ASIC1: variants seen among roughly 807,000 people sequenced by gnomAD.
ASIC1 encodes the protein acid sensing ion channel subunit 1, also known as acid-sensing ion channel 1.
In ASIC1, 21 loss-of-function variants were observed where a neutral mutation model predicts 63.4. That is an observed-to-expected ratio of 0.33 (90% CI 0.23 to 0.48). The LOEUF (loss-of-function observed/expected upper bound fraction) is 0.48. ASIC1 is among the 20% of genes least tolerant of loss of function. The pLI is 0.99. For synonymous variants in ASIC1, 258 were observed against 278.2 expected, an observed-to-expected ratio of 0.93 and a Z score of 0.72; for missense variants, 478 against 695.5, an observed-to-expected ratio of 0.69 and a Z score of 3.52.
In ASIC1 at chr12:50,074,390, G is replaced by A. The variant is rs903908424; in HGVS notation, c.559-2823G>A. The A allele has an allele frequency of 8.0e-5, 108 of 1,354,780 alleles. No individual in the cohort carries two copies. The highest frequency in any genetic ancestry group is 8.5e-5 in the Non-Finnish European group (89 of 1,048,066). 83.9% of individuals were successfully genotyped at this position (1,354,780 alleles called of 1,614,324 possible). On this transcript the variant is annotated intron_variant, in intron 3 of 11. Coordinates refer to ENST00000447966, the MANE Select transcript of ASIC1 (RefSeq NM_001095.4). The surrounding 1 kb of genome is among the most constrained non-coding windows in gnomAD (Gnocchi z 4.2). Reference sequence around the variant, plus strand: ...TACCTCATCTGGCTGACACAGGCCAGAGCTCACCCAGGAGTCCGGGGCCTG... The same window carrying A: ...TACCTCATCTGGCTGACACAGGCCAAAGCTCACCCAGGAGTCCGGGGCCTG...
chr12:50,068,070 C>T (rs1163841006), intron 3 of ASIC1, among the ~76,000 whole-genome samples: 2 of 152,120 alleles, frequency 1.3e-5, no homozygotes, highest in South Asian at 2.1e-4. Context: ...GATCAATTTC[C>T]CTCATTCTTG....
At position 50,077,461 on chromosome 12, in the gene ASIC1, G is replaced by C. The variant is rs1950668314; in HGVS notation, c.709+98G>C. ...CACTGTGAGACCTGGGCAGGGCCCGGGCTTTCCCCTCTCCCTCCAGCATCT... is the reference window on the plus strand; with the variant it reads ...CACTGTGAGACCTGGGCAGGGCCCGCGCTTTCCCCTCTCCCTCCAGCATCT... On this transcript the variant is annotated intron_variant, in intron 4 of 11. Coordinates refer to ENST00000447966, the MANE Select transcript of ASIC1 (RefSeq NM_001095.4). 2.0e-6 allele frequency: 3 copies of C among 1,506,934 alleles called. No individual in the cohort carries two copies. In the East Asian group the frequency reaches 7.2e-5, roughly 36 times the overall value. 93.3% of individuals were successfully genotyped at this position (1,506,934 alleles called of 1,614,324 possible). A position where few individuals can be genotyped will look rare whatever the true frequency, so the allele number is the denominator to read the frequency against.
Position 50,059,248 on chromosome 12 carries a change from C to A in ASIC1, c.362+120C>A. The A allele has an allele frequency of 2.9e-6, 4 of 1,371,626 alleles. No individual in the cohort carries two copies. The highest frequency in any genetic ancestry group is 1.4e-5 in the South Asian group (1 of 71,830). 85.0% of individuals were successfully genotyped at this position (1,371,626 alleles called of 1,614,324 possible). ...AACCCTGCCCTTTAACCCACCCCCA[C>A]CCCCAAACCTGCCACTCACAGCAGA... On this transcript the variant is annotated intron_variant, in intron 2 of 11. Transcript: ENST00000447966. The surrounding 1 kb of genome is among the most constrained non-coding windows in gnomAD (Gnocchi z 4.6).
intron 3 of ASIC1, among the ~76,000 whole-genome samples, chr12:50,075,017 C>T (rs1021087819): frequency 1.3e-5 from 2 of 151,904 alleles, no homozygotes; most frequent in Non-Finnish European, 2.9e-5. Context: ...TCTGCTTGGC[C>T]CCCCACCCAG....
Position 50,074,105 on chromosome 12 carries a change from C to A in ASIC1, c.559-3108C>A. ...AGTGATGACCCCGGGGTGCCCCTCG[C>A]TCCACCGGGCCCTGAGGCCTTCTCT... is the stretch of plus-strand genomic sequence containing the variant. On this transcript the variant is annotated intron_variant, in intron 3 of 11. Coordinates refer to ENST00000447966, the MANE Select transcript of ASIC1 (RefSeq NM_001095.4). This position sits in a 1 kb window ranked among gnomAD's most constrained non-coding sequence, Gnocchi z 4.2. 11 of 1,535,676 alleles carry A rather than the reference C, an allele frequency of 7.2e-6. No individual in the cohort carries two copies. The highest frequency in any genetic ancestry group is 9.6e-6 in the Non-Finnish European group (11 of 1,146,624).
In ASIC1 at chr12:50,081,603, T is replaced by C; in HGVS notation, c.1541T>C (p.Leu514Pro). The change falls in exon 12 of 12, where the codon CTA (leucine) becomes CCA (proline). Residue 514 changes from leucine to proline, a missense_variant. By Grantham distance (98) the Leu-to-Pro change is moderately conservative (BLOSUM62 -3). Transcript: ENST00000447966. ...GGGATGACATACGCTGCCAACATCC[T>C]ACCTCACCATCCGGCCCGAGGCACG... is the stretch of plus-strand genomic sequence containing the variant. ...PAGMTYAANI[L>P]PHHPARGTFE... 1 of 1,614,076 alleles carries C rather than the reference T, an allele frequency of 6.2e-7. No individual in the cohort carries two copies. Among genetic ancestry groups the C allele is most frequent in the Non-Finnish European group, 8.5e-7 (1 of 1,180,004 alleles).
At chr12:50,063,831 G>T (rs1950522625) in intron 3 of ASIC1, among the ~76,000 whole-genome samples, 1 of 152,082 alleles carries the variant, frequency 6.6e-6, no homozygotes, top group Non-Finnish European at 1.5e-5. Context: ...CCCAGCAAGA[G>T]CCAGGACTAG....
intron 3 of ASIC1, among the ~76,000 whole-genome samples, chr12:50,064,975 T>G (rs1341792697): frequency 6.6e-6 from 1 of 151,372 alleles, no homozygotes; most frequent in East Asian, 1.9e-4. Context: ...GGGGGCCCAG[T>G]GGGGTGGGCT....
chr12:50,075,424 G>A (rs147965373), intron 3 of ASIC1, among the ~76,000 whole-genome samples: 3 of 152,312 alleles, frequency 2.0e-5, no homozygotes, highest in Non-Finnish European at 2.9e-5. Flanking sequence ...GCTGCTAGCC[G>A]GCCTCAGACA....
In ASIC1 at chr12:50,061,052, A is replaced by G. The variant is rs546268115; in HGVS notation, c.558+1098A>G. On this transcript the variant is annotated intron_variant, in intron 3 of 11. Coordinates refer to ENST00000447966, the MANE Select transcript of ASIC1 (RefSeq NM_001095.4). ...TCTTGTTAAGCTGAAAATGTCCTTT[A>G]CTCTTTTAATTAATATTGTGGACCC... Among the ~76,000 whole-genome samples the G allele has an allele frequency of 2.0e-5, 3 of 152,024 alleles. No homozygotes were observed. In the East Asian group the frequency reaches 5.8e-4, roughly 29 times the overall value.
In ASIC1 at chr12:50,059,206, C is replaced by T. The variant is rs762725674; in HGVS notation, c.362+78C>T. The T allele has an allele frequency of 2.2e-5, 34 of 1,549,052 alleles. No homozygotes were observed. Among genetic ancestry groups the T allele is most frequent in the Non-Finnish European group, 2.9e-5 (33 of 1,149,646 alleles). On this transcript the variant is annotated intron_variant, in intron 2 of 11. Transcript: ENST00000447966. The surrounding 1 kb of genome is among the most constrained non-coding windows in gnomAD (Gnocchi z 4.6). ...AGTCAGGATGTCTGCCTCCCTGACC[C>T]ACCATAGAGCCCAGCCAACCCTGCC...
chr12:50,081,081 C>A, intron 9 of ASIC1, 21 bp from the exon 10 acceptor site: 1 of 1,565,678 alleles, frequency 6.4e-7, no homozygotes, highest in Non-Finnish European at 8.7e-7. Context: ...CCACTGACCC[C>A]CCTGGCGCCT....
intron 9 of ASIC1, chr12:50,080,877 C>T: frequency 5.8e-6 from 5 of 859,954 alleles, no homozygotes; most frequent in Non-Finnish European, 7.2e-6. Context: ...ATTTTGTAAA[C>T]GATTATTTTT....
At chr12:50,081,411 C>G (rs761679948) in intron 11 of ASIC1, 47 bp downstream of exon 11, 1 of 1,541,460 alleles carries the variant, frequency 6.5e-7, no homozygotes. Flanking sequence ...GTGCCTCCAC[C>G]GCCCCAGGAA....
intron 3 of ASIC1, among the ~76,000 whole-genome samples, chr12:50,060,210 C>A (rs1950488428): frequency 1.3e-5 from 2 of 152,216 alleles, no homozygotes; most frequent in African/African-American, 4.8e-5. Flanking sequence ...CACATATATG[C>A]ACACACGTGC....
intron 4 of ASIC1, among the ~76,000 whole-genome samples, chr12:50,077,598 G>A (rs777849946): frequency 1.5e-4 from 22 of 151,290 alleles, no homozygotes; most frequent in East Asian, 7.8e-4. Flanking sequence ...CATCAACGCC[G>A]CCGCCACTCT....
At chr12:50,069,147 G>A (rs1344480801) in intron 3 of ASIC1, among the ~76,000 whole-genome samples, 1 of 151,898 alleles carries the variant, frequency 6.6e-6, no homozygotes, top group Admixed American at 6.6e-5. Context: ...TTCTCTCTCT[G>A]GAATATCCTC....
rs1046459009 is a variant in ASIC1, at chr12:50,081,821, A to G, written c.*172A>G. 5 of 610,012 alleles carry G rather than the reference A, an allele frequency of 8.2e-6. No homozygotes were observed. The highest frequency in any genetic ancestry group is 6.1e-5 in the Admixed American group (2 of 32,884). The allele number at this position is 610,012 out of a possible 1,614,324, so 37.8% of individuals were successfully genotyped here. ...ACCATAGAGTCCTCTCTCTGCCTCT[A>G]TCCCATTCTTTTTACATTTAACAAA... On this transcript the variant is annotated 3_prime_UTR_variant, in exon 12 of 12. Transcript: ENST00000447966.
Position 50,081,733 on chromosome 12 carries a change from C to T in ASIC1, c.*84C>T, listed in dbSNP as rs1592281954. 2 of 1,255,332 alleles carry T rather than the reference C, an allele frequency of 1.6e-6. No homozygotes were observed. Among genetic ancestry groups the T allele is most frequent in the African/African-American group, 1.5e-5 (1 of 67,474 alleles). 77.8% of individuals were successfully genotyped at this position (1,255,332 alleles called of 1,614,324 possible). ...CCCCAGCTGCCTCCTCACATCTGCCCTGGGGACTCCCCACACTCCGGGGCA... is the reference window on the plus strand; with the variant it reads ...CCCCAGCTGCCTCCTCACATCTGCCTTGGGGACTCCCCACACTCCGGGGCA... On this transcript the variant is annotated 3_prime_UTR_variant, in exon 12 of 12. Coordinates refer to ENST00000447966, the MANE Select transcript of ASIC1 (RefSeq NM_001095.4).
Sources: allele counts gnomAD v4.1 joint callset (sites outside exome capture counted in the v4.1 genomes callset), GRCh38; gene constraint gnomAD v4.1.1; non-coding constraint Gnocchi (gnomAD v3.1); transcripts MANE v1.5; gene names NCBI Gene and HGNC (gene_info 2026-07-23, HGNC 2026-07-21).